The following BCL11A variants were observed in gnomAD, a reference collection of about 807,000 sequenced individuals.
BCL11A encodes BCL11 transcription factor A.
In BCL11A, 2 loss-of-function variants were observed where a neutral mutation model predicts 55.9. The ratio of observed to expected loss-of-function variants is 0.04; its 90% CI spans 0.01 to 0.11. The LOEUF (loss-of-function observed/expected upper bound fraction) is 0.11, where lower values mean the gene tolerates loss of function less well. Among genes scored for constraint, BCL11A ranks in the 10% least tolerant of loss-of-function variants. BCL11A has a pLI of 1.00. For missense variants in BCL11A, 817 were observed against 1,137.1 expected, an observed-to-expected ratio of 0.72 and a Z score of 4.05; for synonymous variants, 465 against 473.4, an observed-to-expected ratio of 0.98 and a Z score of 0.23.
intron 2 of BCL11A, among the ~76,000 whole-genome samples, chr2:60,530,591 T>C (rs914931814): frequency 1.3e-3 from 199 of 151,418 alleles, no homozygotes; most frequent in African/African-American, 4.3e-3. Flanking sequence ...AATTGAGCTG[T>C]GCGTCTCTTT....
chr2:60,526,702 AAAG>A (rs904237630), intron 2 of BCL11A: 8 of 152,238 alleles, frequency 5.3e-5, no homozygotes. Flanking sequence ...GGAGGGTGTT[AAAG>A]AAGAAGATGC....
At chr2:60,469,381 C>T (rs995021652) in intron 2 of BCL11A, among the ~76,000 whole-genome samples, 3 of 152,158 alleles carry the variant, frequency 2.0e-5, no homozygotes, top group South Asian at 2.1e-4. Context: ...TTTATGATAG[C>T]GCCTTCAGTG....
chr2:60,492,404 G>A (rs1678687704), intron 2 of BCL11A, among the ~76,000 whole-genome samples: 1 of 151,980 alleles, frequency 6.6e-6, no homozygotes, highest in Admixed American at 6.6e-5. Flanking sequence ...ACAACTAATT[G>A]GGCTAATGTT....
intron 1 of BCL11A, among the ~76,000 whole-genome samples, chr2:60,547,090 A>G (rs1290740233): frequency 6.6e-6 from 1 of 152,214 alleles, no homozygotes; most frequent in Non-Finnish European, 1.5e-5. Flanking sequence ...TTAAGAAAAT[A>G]AGCCAATTAG....
chr2:60,460,806 C>G lies in BCL11A; in HGVS notation c.2106G>C (p.Pro702=). ...SENGSLRFST[P]PGELDGGISG... ...AGATCCCTCCGTCCAGCTCCCCGGG[C>G]GGTGTGGAGAAGCGCAAACTCCCGT... The change falls in exon 4 of 4, where the codon CCG becomes CCC. Residue 702 remains proline (P), a synonymous_variant. Transcript: ENST00000642384. The G allele has an allele frequency of 6.2e-7, 1 of 1,612,812 alleles. No individual in the cohort carries two copies. Among genetic ancestry groups the G allele is most frequent in the Non-Finnish European group, 8.5e-7 (1 of 1,180,026 alleles).
Position 60,461,328 on chromosome 2 carries a change from G to A in BCL11A, c.1584C>T (p.Ser528=), listed in dbSNP as rs1308713610. The A allele has an allele frequency of 6.3e-7, 1 of 1,598,422 alleles. No homozygotes were observed. The highest frequency in any genetic ancestry group is 1.3e-5 in the African/African-American group (1 of 74,794). The change falls in exon 4 of 4, where the codon AGC becomes AGT. Residue 528 remains serine, a synonymous_variant. Coordinates refer to ENST00000642384, the MANE Select transcript of BCL11A (RefSeq NM_022893.4). ...SLEAARHHEN[S]SRGAVVGVGD... is the part of the protein sequence containing the mutation. ...CCACGCCCACGACCGCGCCCCGCGA[G>A]CTGTTCTCGTGGTGGCGCGCCGCCT...
At chr2:60,490,337 G>A (rs1021881340) in intron 2 of BCL11A, among the ~76,000 whole-genome samples, 3 of 152,156 alleles carry the variant, frequency 2.0e-5, no homozygotes, top group African/African-American at 7.2e-5. Context: ...AGCCCTCTGT[G>A]ATCTATAGGA....
At chr2:60,521,589 T>G (rs528566492) in intron 2 of BCL11A, among the ~76,000 whole-genome samples, 1 of 152,216 alleles carries the variant, frequency 6.6e-6, no homozygotes, top group South Asian at 2.1e-4. Flanking sequence ...CTGCTCCCTT[T>G]CATCTTCCAT....
intron 2 of BCL11A, among the ~76,000 whole-genome samples, chr2:60,476,006 G>A (rs1390387763): frequency 6.6e-6 from 1 of 152,172 alleles, no homozygotes; most frequent in Non-Finnish European, 1.5e-5. Flanking sequence ...TTTAAAAGGA[G>A]AAGACTGGAT....
rs943952162 is a variant in BCL11A, at chr2:60,471,275, C to T, written c.386-2442G>A. On this transcript the variant is annotated intron_variant, in intron 2 of 3. Coordinates refer to ENST00000642384, the MANE Select transcript of BCL11A (RefSeq NM_022893.4). ...ATTAGACAGCTAAAAACATTTCTATCAGCCTAAGAAGCTATTTACTTTAGA... is the reference window on the plus strand; with the variant it reads ...ATTAGACAGCTAAAAACATTTCTATTAGCCTAAGAAGCTATTTACTTTAGA... Among the ~76,000 whole-genome samples the T allele has an allele frequency of 5.3e-5, 8 of 152,358 alleles. No individual in the cohort carries two copies. In the East Asian group the frequency reaches 1.5e-3, roughly 29 times the overall value.
chr2:60,467,088 TGGTGGTG>T (rs1676661511), intron 3 of BCL11A, among the ~76,000 whole-genome samples: 1 of 149,486 alleles, frequency 6.7e-6, no homozygotes, highest in Admixed American at 6.6e-5. Flanking sequence ...GTGGTGGTGG[TGGTGGTG>T]ATGATGGTGG....
At chr2:60,550,628 C>G (rs6747163) in intron 1 of BCL11A, among the ~76,000 whole-genome samples, 28,583 of 151,802 alleles carry the variant, frequency 0.19, 2,890 homozygotes, top group African/African-American at 0.24. Context: ...AAAATGAGGA[C>G]AGAAAGAAGT....
intron 2 of BCL11A, among the ~76,000 whole-genome samples, chr2:60,505,828 T>C (rs1378467375): frequency 2.0e-5 from 3 of 152,138 alleles, no homozygotes; most frequent in Non-Finnish European, 4.4e-5. Context: ...TACAGATATC[T>C]CTGAGAACAA....
chr2:60,529,624 G>T (rs756480406), intron 2 of BCL11A, among the ~76,000 whole-genome samples: 2 of 152,044 alleles, frequency 1.3e-5, no homozygotes, highest in African/African-American at 4.8e-5. Context: ...CGGGAGCGGG[G>T]GCAGGTATCC....
chr2:60,520,516 T>C (rs890366182), intron 2 of BCL11A, among the ~76,000 whole-genome samples: 2 of 152,218 alleles, frequency 1.3e-5, no homozygotes, highest in Non-Finnish European at 2.9e-5. Flanking sequence ...TACACATTTG[T>C]GTACACATTC....
At chr2:60,482,640 A>G (rs1414922333) in intron 2 of BCL11A, among the ~76,000 whole-genome samples, 2 of 152,234 alleles carry the variant, frequency 1.3e-5, no homozygotes, top group Non-Finnish European at 2.9e-5. Flanking sequence ...TCCATAATTA[A>G]GTATCACCCA....
chr2:60,550,679 G>C (rs1196259178), intron 1 of BCL11A, among the ~76,000 whole-genome samples: 1 of 152,150 alleles, frequency 6.6e-6, no homozygotes, highest in African/African-American at 2.4e-5. Flanking sequence ...TTAACCCCGG[G>C]ACAGGAGGAG....
rs760569427 is a variant in BCL11A, at chr2:60,553,342, G to A, written c.-72C>T. The A allele has an allele frequency of 6.8e-7, 1 of 1,472,550 alleles. No homozygotes were observed. The highest frequency in any genetic ancestry group is 2.2e-5 in the Admixed American group (1 of 45,824). 91.2% of individuals were successfully genotyped at this position (1,472,550 alleles called of 1,614,324 possible). On this transcript the variant is annotated 5_prime_UTR_variant, in exon 1 of 4. Coordinates refer to ENST00000642384, the MANE Select transcript of BCL11A (RefSeq NM_022893.4). ...CGGACGACGGCTCGGTTCACATCGG[G>A]AGAGCCGGGTTAGAAAGAAGGAGAC...
intron 1 of BCL11A, chr2:60,551,027 G>A: frequency 5.0e-6 from 2 of 397,682 alleles, no homozygotes. Context: ...CTTCCGAAGT[G>A]TGTGACAAGT....
Sources: allele counts gnomAD v4.1 joint callset (sites outside exome capture counted in the v4.1 genomes callset), GRCh38; gene constraint gnomAD v4.1.1; transcripts MANE v1.5; gene names NCBI Gene and HGNC (gene_info 2026-07-23, HGNC 2026-07-21).